Variants in USP6 observed in about 807,000 individuals in gnomAD.
The protein encoded by USP6 is ubiquitin carboxyl-terminal hydrolase 6.
Under a neutral mutation model 175.7 loss-of-function variants are expected in USP6, and 128 were observed. The observed-to-expected ratio is 0.73, with a 90% CI of 0.63 to 0.84. The LOEUF (loss-of-function observed/expected upper bound fraction) is 0.84, where lower values mean the gene tolerates loss of function less well. USP6 is among the 40% of genes least tolerant of loss of function. The pLI is 0.00. For missense variants in USP6, 1,498 were observed against 1,760.3 expected (o/e 0.85, Z 2.67); for synonymous variants, 562 against 630.6 (o/e 0.89, Z 1.63).
At position 5,142,443 on chromosome 17, in the gene USP6, G is replaced by C; in HGVS notation, c.1759G>C (p.Asp587His). 6.2e-7 allele frequency: 1 copy of C among 1,613,954 alleles called. No individual in the cohort carries two copies. The highest frequency in any genetic ancestry group is 1.3e-5 in the African/African-American group (1 of 75,062). ...GGGGCATATGGCTAAATGCTATGGT[G>C]ATTTAGTGCAGGAACTCTGGAGTGG... ...MKGHMAKCYG[D>H]LVQELWSGTQ... Residue 587 changes from aspartate to histidine, a missense_variant, in exon 25 of 38, where the codon GAT (aspartate) becomes CAT (histidine). By Grantham distance (81) the Asp-to-His change is moderately conservative (BLOSUM62 -1). Coordinates refer to ENST00000574788, the MANE Select transcript of USP6 (RefSeq NM_001304284.2).
rs557482198 is a variant in USP6 at position 5,172,599 on chromosome 17, G to T, written c.4048-206G>T. ...GTTTTAGGTCATTCTGTTTTGACTT[G>T]TCTATGGTCAAAATATTTTCCCCAA... On this transcript the variant is annotated intron_variant, in intron 37 of 37. Transcript: ENST00000574788. 4.6e-5 allele frequency among the ~76,000 whole-genome samples: 7 copies of T among 152,272 alleles called. No individual in the cohort carries two copies. The East Asian group carries it at 1.3e-3, about 29-fold the overall frequency.
chr17:5,172,006 C>G (rs1239702991), intron 37 of USP6, among the ~76,000 whole-genome samples: 1 of 151,486 alleles, frequency 6.6e-6, no homozygotes, highest in African/African-American at 2.4e-5. Context: ...GAAACCCCAT[C>G]TCTACTAAAA....
Position 5,120,618 on chromosome 17 carries a change from T to C in USP6, c.-1836-9T>C. ...CCTTGGGTGAGCTCCTGCTGTCCTC[T>C]CTGCCCAGGAAATGAAGGCCCTTTG... On this transcript the variant is annotated splice_polypyrimidine_tract_variant and intron_variant, in intron 2 of 37. Transcript: ENST00000574788. 2.7e-6 allele frequency: 1 copy of C among 373,790 alleles called. No homozygotes were observed. The highest frequency in any genetic ancestry group is 2.0e-5 in the South Asian group (1 of 49,058). The allele number at this position is 373,790 out of a possible 1,614,324, so 23.2% of individuals were successfully genotyped here.
intron 37 of USP6, 75 bp downstream of exon 37, chr17:5,171,754 A>G (rs1261851138): frequency 9.0e-6 from 13 of 1,440,102 alleles, no homozygotes; most frequent in African/African-American, 2.8e-5. Flanking sequence ...ATAATGGACT[A>G]TCTCTTGAAT....
rs982136532 is a variant in USP6 at position 5,139,260 on chromosome 17, C to T, written c.1084C>T (p.Arg362Cys). 27 of 1,601,464 alleles carry T rather than the reference C, an allele frequency of 1.7e-5. No individual in the cohort carries two copies. The highest frequency in any genetic ancestry group is 9.3e-5 in the African/African-American group (7 of 74,942). ...CACGTCTGTTTTCCTTTCAGCCAAA[C>T]GCGAGCAAGGGTCCTTGGCACCCAG... ...KQGDLPPPAK[R>C]EQGSLAPRPV... Residue 362 changes from arginine (R) to cysteine (C), a missense_variant, in exon 22 of 38, where the codon CGC (arginine) becomes TGC (cysteine). Physicochemically the swap from Arg to Cys is radical, Grantham distance 180. Coordinates refer to ENST00000574788, the MANE Select transcript of USP6 (RefSeq NM_001304284.2).
At position 5,132,165 on chromosome 17, in the gene USP6, G is replaced by T. The variant is rs1250286851; in HGVS notation, c.156-231G>T. Reference sequence around the variant, plus strand: ...GGCCTGACCACCCCCCATGCCAGGGGCCCCAGTAACCCCAGCCAGGCTGTC... The same window carrying T: ...GGCCTGACCACCCCCCATGCCAGGGTCCCCAGTAACCCCAGCCAGGCTGTC... On this transcript the variant is annotated intron_variant, in intron 11 of 37. Transcript: ENST00000574788. This position sits in a 1 kb window ranked among gnomAD's most constrained non-coding sequence, Gnocchi z 4.7. 7 of 1,491,858 alleles carry T rather than the reference G, an allele frequency of 4.7e-6. No homozygotes were observed. The highest frequency in any genetic ancestry group is 6.3e-6 in the Non-Finnish European group (7 of 1,112,684). 92.4% of individuals were successfully genotyped at this position (1,491,858 alleles called of 1,614,324 possible).
intron 37 of USP6, 115 bp downstream of exon 37, chr17:5,171,794 A>G (rs936086167): frequency 7.5e-5 from 85 of 1,139,512 alleles, no homozygotes; most frequent in Non-Finnish European, 9.7e-5. Flanking sequence ...TAGAATTAAT[A>G]TATAGATGCT....
At position 5,137,684 on chromosome 17, in the gene USP6, G is replaced by C. The variant is rs774356571; in HGVS notation, c.859G>C (p.Val287Leu). 1.2e-6 allele frequency: 2 copies of C among 1,606,850 alleles called. No homozygotes were observed. Among genetic ancestry groups the C allele is most frequent in the African/African-American group, 2.7e-5 (2 of 74,768 alleles). The change falls in exon 20 of 38, where the codon GTG (valine) becomes CTG (leucine). Residue 287 changes from valine to leucine, a missense_variant. Around this residue, in one of 2 missense-constraint regions of USP6, gnomAD observed 1,217 missense variants for 1,500.8 expected, o/e 0.81. Transcript: ENST00000574788. ...CGGGCTCACCCTGCGCCTGTGGGAC[G>C]TGTATTTGGTGGAAGGAGAACAGGT... ...SLGLTLRLWD[V>L]YLVEGEQVLM...
rs968816751 is a variant in USP6, at chr17:5,173,757, G to A, written c.*779G>A. 2.3e-5 allele frequency: 5 copies of A among 220,012 alleles called. No homozygotes were observed. The highest frequency in any genetic ancestry group is 1.1e-4 in the African/African-American group (5 of 44,558). The allele number at this position is 220,012 out of a possible 1,614,324, so 13.6% of individuals were successfully genotyped here. A position where few individuals can be genotyped will look rare whatever the true frequency, so the allele number is the denominator to read the frequency against. On this transcript the variant is annotated 3_prime_UTR_variant, in exon 38 of 38. Transcript: ENST00000574788. ...GGCTACTTCAAGTATCCTCAGAAAT[G>A]TATTCTGCACCCCCGGCCCCGCCCA...
At position 5,173,238 on chromosome 17, in the gene USP6, A is replaced by C; in HGVS notation, c.*260A>C. The C allele has an allele frequency of 2.3e-6, 1 of 434,878 alleles. No homozygotes were observed. The highest frequency in any genetic ancestry group is 4.1e-6 in the Non-Finnish European group (1 of 242,478). 26.9% of individuals were successfully genotyped at this position (434,878 alleles called of 1,614,324 possible). On this transcript the variant is annotated 3_prime_UTR_variant, in exon 38 of 38. Coordinates refer to ENST00000574788, the MANE Select transcript of USP6 (RefSeq NM_001304284.2). ...AAAGGTGTGGCACCAGCCACCTGGG[A>C]CCAAATAAGAATTGAATTGTGCTTG...
At chr17:5,149,045 C>T (rs2073690451) in intron 30 of USP6, among the ~76,000 whole-genome samples, 1 of 152,030 alleles carries the variant, frequency 6.6e-6, no homozygotes, top group Non-Finnish European at 1.5e-5. Flanking sequence ...AAATGACATT[C>T]CTCATCCGTA....
intron 31 of USP6, among the ~76,000 whole-genome samples, chr17:5,158,335 G>A (rs1364494196): frequency 6.6e-6 from 1 of 152,138 alleles, no homozygotes; most frequent in East Asian, 1.9e-4. Context: ...AGGAGGCCGA[G>A]GTGGGAGGAT....
At chr17:5,120,930 G>C in intron 3 of USP6, 142 bp downstream of exon 3, 1 of 454,508 alleles carries the variant, frequency 2.2e-6, no homozygotes, top group South Asian at 1.6e-5. Flanking sequence ...TCATGATTTC[G>C]ATGTAAAATG....
intron 15 of USP6, chr17:5,134,247 G>C (rs940810192): frequency 2.0e-6 from 1 of 504,046 alleles, no homozygotes; most frequent in African/African-American, 1.9e-5. Flanking sequence ...AAAATCACAC[G>C]CAATGGTGAA....
chr17:5,158,479 A>G (rs566180415), intron 31 of USP6, among the ~76,000 whole-genome samples: 12 of 152,076 alleles, frequency 7.9e-5, no homozygotes, highest in African/African-American at 2.7e-4. Context: ...AGGCATGAGA[A>G]TCACTTCAAC....
chr17:5,153,333 C>T (rs1397273476), intron 30 of USP6, among the ~76,000 whole-genome samples: 4 of 152,234 alleles, frequency 2.6e-5, no homozygotes, highest in Non-Finnish European at 4.4e-5. Flanking sequence ...GTTGCCCAGG[C>T]TGGAGTGCAG....
At chr17:5,168,232 A>G in intron 34 of USP6, 109 bp downstream of exon 34, 1 of 1,331,974 alleles carries the variant, frequency 7.5e-7, no homozygotes, top group South Asian at 1.6e-5. Context: ...TTCCTGCAGC[A>G]GTGTTTAAAA....
chr17:5,154,711 C>CTTT (rs11440951), intron 30 of USP6, among the ~76,000 whole-genome samples: 12 of 107,484 alleles, frequency 1.1e-4, no homozygotes, highest in East Asian at 4.0e-4. Flanking sequence ...TTGAGATAGT[C>CTTT]TTTTTTTTTT....
intron 28 of USP6, 91 bp downstream of exon 28, chr17:5,146,265 C>T: frequency 7.1e-7 from 1 of 1,416,316 alleles, no homozygotes; most frequent in Non-Finnish European, 9.4e-7. Context: ...GGTTATGTGA[C>T]CAAGAGAGAT....
Sources: gnomAD v4.1 joint callset for allele counts (sites outside exome capture counted in the v4.1 genomes callset) on GRCh38, gnomAD v4.1.1 for gene constraint, gnomAD v4.1.1 regional missense constraint, Gnocchi (gnomAD v3.1) non-coding constraint, MANE v1.5 for transcripts, NCBI Gene and HGNC (gene_info 2026-07-23, HGNC 2026-07-21) for gene names.